The following RELN variants were observed in gnomAD, a reference collection of about 807,000 sequenced individuals.
RELN encodes reelin.
In RELN, 108 loss-of-function variants were observed where a neutral mutation model predicts 427.6. The ratio of observed to expected loss-of-function variants is 0.25; its 90% CI spans 0.22 to 0.30. The LOEUF is 0.30. Ranked by LOEUF, RELN falls within the 10% of genes least tolerant of loss-of-function variation. RELN has a pLI of 1.00. For missense variants in RELN, 3,715 were observed against 4,302.8 expected, an observed-to-expected ratio of 0.86 and a Z score of 3.82; for synonymous variants, 1,524 against 1,513.4, an observed-to-expected ratio of 1.01 and a Z score of -0.16.
intron 4 of RELN, among the ~76,000 whole-genome samples, chr7:103,774,931 C>T (rs763095017): frequency 5.9e-5 from 9 of 152,122 alleles, no homozygotes; most frequent in Non-Finnish European, 1.2e-4. Context: ...TGTAATACTA[C>T]TATAGAAGGC....
intron 24 of RELN, among the ~76,000 whole-genome samples, chr7:103,596,981 A>G (rs1222048510): frequency 2.6e-5 from 4 of 152,182 alleles, no homozygotes; most frequent in African/African-American, 9.7e-5. Flanking sequence ...CTTACTTTGC[A>G]TATTTCCTCT....
chr7:103,770,863 T>C (rs1253976470), intron 4 of RELN, among the ~76,000 whole-genome samples: 1 of 151,564 alleles, frequency 6.6e-6, no homozygotes, highest in Non-Finnish European at 1.5e-5. Context: ...TCAGGTGGTC[T>C]CGCCTCACCT....
chr7:103,654,161 G>A lies in RELN; in HGVS notation c.1486C>T (p.Leu496=). 1 of 1,611,522 alleles carries A rather than the reference G, an allele frequency of 6.2e-7. No individual in the cohort carries two copies. Among genetic ancestry groups the A allele is most frequent in the Non-Finnish European group, 8.5e-7 (1 of 1,178,234 alleles). Residue 496 remains leucine (L), a synonymous_variant, in exon 13 of 65, where the codon CTG becomes TTG. Coordinates refer to ENST00000428762, the MANE Select transcript of RELN (RefSeq NM_005045.4). ...PGNSHENDII[L]YAKIEGRKEH... is the part of the protein sequence containing the mutation. Reference sequence around the variant, plus strand: ...TTTCTTCCTTCAATTTTTGCATACAGGATTATGTCATTTTCATGAGAATTT... The same window carrying A: ...TTTCTTCCTTCAATTTTTGCATACAAGATTATGTCATTTTCATGAGAATTT...
At chr7:103,531,771 A>AAAAAC (rs1554372316) in intron 46 of RELN, among the ~76,000 whole-genome samples, 8 of 152,256 alleles carry the variant, frequency 5.3e-5, no homozygotes, top group Middle Eastern at 3.4e-3. Flanking sequence ...CAAAAGTAAA[A>AAAAAC]AAAACAAAAC....
At chr7:103,706,849 T>C (rs1173001302) in intron 8 of RELN, among the ~76,000 whole-genome samples, 5 of 152,172 alleles carry the variant, frequency 3.3e-5, no homozygotes, top group African/African-American at 9.6e-5. Context: ...TGGGAGAAGA[T>C]CACAGAACAA....
intron 4 of RELN, among the ~76,000 whole-genome samples, chr7:103,773,763 C>T (rs756909706): frequency 4.6e-5 from 7 of 151,986 alleles, no homozygotes; most frequent in Admixed American, 1.3e-4. Flanking sequence ...ACCCACTGCG[C>T]GCGGCCTCCT....
intron 31 of RELN, among the ~76,000 whole-genome samples, chr7:103,571,260 A>G (rs1369050298): frequency 6.6e-6 from 1 of 152,202 alleles, no homozygotes; most frequent in Admixed American, 6.5e-5. Flanking sequence ...TGCTGAGACC[A>G]CGGTTTGGAG....
chr7:103,785,768 C>T (rs1791998889), intron 3 of RELN, among the ~76,000 whole-genome samples: 1 of 151,952 alleles, frequency 6.6e-6, no homozygotes, highest in African/African-American at 2.4e-5. Context: ...CAAATGTGAT[C>T]AACTCTGTGA....
At chr7:103,784,752 A>G (rs970776728) in intron 3 of RELN, among the ~76,000 whole-genome samples, 5 of 152,288 alleles carry the variant, frequency 3.3e-5, no homozygotes, top group African/African-American at 1.2e-4. Context: ...CTGTTGGCAT[A>G]TGATATAAAC....
intron 38 of RELN, among the ~76,000 whole-genome samples, chr7:103,555,530 T>C (rs1483955506): frequency 6.6e-6 from 1 of 152,194 alleles, no homozygotes; most frequent in Non-Finnish European, 1.5e-5. Context: ...TGGAGTGCAG[T>C]GTCATGATCT....
chr7:103,807,331 G>A (rs542284119), intron 3 of RELN, among the ~76,000 whole-genome samples: 3 of 152,302 alleles, frequency 2.0e-5, no homozygotes, highest in Admixed American at 6.5e-5. Context: ...TAAGCCAGCA[G>A]TAGGGTAAGT....
In RELN at chr7:103,667,757, T is replaced by C. The variant is rs1011052854; in HGVS notation, c.1290-6230A>G. 2.0e-5 allele frequency among the ~76,000 whole-genome samples: 3 copies of C among 152,216 alleles called. No individual in the cohort carries two copies. In the East Asian group the frequency reaches 5.8e-4, roughly 29 times the overall value. The stretch of plus-strand genomic sequence containing the variant: ...TTAATCATTCTAGTTTTTGAAAACA[T>C]GTATATTTATTCCTTGCACAAAGTT... On this transcript the variant is annotated intron_variant, in intron 11 of 64. Transcript: ENST00000428762.
intron 11 of RELN, among the ~76,000 whole-genome samples, chr7:103,662,645 A>AAAAAGGGGGG (rs1562945671): frequency 6.7e-6 from 1 of 150,186 alleles, no homozygotes. Context: ...AAAAAAAAAA[A>AAAAAGGGGGG]GAAACGGGTG....
intron 28 of RELN, 57 bp from the exon 29 acceptor site, chr7:103,575,762 G>A: frequency 6.3e-7 from 1 of 1,593,632 alleles, no homozygotes; most frequent in South Asian, 1.1e-5. Context: ...TCAAAGCATT[G>A]GAATATAGAA....
At chr7:103,562,890 T>C (rs1340025084) in intron 34 of RELN, among the ~76,000 whole-genome samples, 1 of 152,250 alleles carries the variant, frequency 6.6e-6, no homozygotes, top group African/African-American at 2.4e-5. Context: ...TCCTCTTTCC[T>C]GGCTCCAGAC....
At chr7:103,615,980 A>G (rs1465918610) in intron 20 of RELN, among the ~76,000 whole-genome samples, 1 of 152,198 alleles carries the variant, frequency 6.6e-6, no homozygotes, top group African/African-American at 2.4e-5. Context: ...AAGTGGTAGA[A>G]TACTTGAGCC....
chr7:103,989,147 C>A lies in RELN; in HGVS notation c.210G>T (p.Pro70=), dbSNP rs770473518. 4 of 1,613,956 alleles carry A rather than the reference C, an allele frequency of 2.5e-6. No individual in the cohort carries two copies. In the African/African-American group the frequency reaches 4.0e-5, roughly 16 times the overall value. The stretch of plus-strand genomic sequence containing the variant: ...GGTACCTACCATGGTATTCTTGTCC[C>A]GGAACGTAGTAGGTGGGGTTGCCCG... The part of the protein sequence containing the change: ...HIAGNPTYYV[P]GQEYHVTIST... Residue 70 remains proline, a synonymous_variant, in exon 1 of 65, where the codon CCG becomes CCT. Transcript: ENST00000428762. The surrounding 1 kb of genome is among the most constrained non-coding windows in gnomAD (Gnocchi z 4.9).
At chr7:103,771,761 G>A (rs1026765985) in intron 4 of RELN, among the ~76,000 whole-genome samples, 1 of 109,578 alleles carries the variant, frequency 9.1e-6, no homozygotes, top group Non-Finnish European at 1.8e-5. Flanking sequence ...CCTTCTTTCT[G>A]GCCAAGATCT....
rs1031570654 is a variant in RELN, at chr7:103,640,512, A to G, written c.2069+31T>C. 6.2e-7 allele frequency: 1 copy of G among 1,604,864 alleles called. No homozygotes were observed. Among genetic ancestry groups the G allele is most frequent in the Non-Finnish European group, 8.5e-7 (1 of 1,171,848 alleles). On this transcript the variant is annotated intron_variant, in intron 17 of 64. Transcript: ENST00000428762. This position sits in a 1 kb window ranked among gnomAD's most constrained non-coding sequence, Gnocchi z 4.1. Reference sequence around the variant, plus strand: ...ACACATACATTACACATCAAAAAGGAGAAGCATAAGTGTTATTTTAAGATG... The same window carrying G: ...ACACATACATTACACATCAAAAAGGGGAAGCATAAGTGTTATTTTAAGATG...
Sources: gnomAD v4.1 joint callset for allele counts (sites outside exome capture counted in the v4.1 genomes callset) on GRCh38, gnomAD v4.1.1 for gene constraint, Gnocchi (gnomAD v3.1) non-coding constraint, MANE v1.5 for transcripts, NCBI Gene and HGNC (gene_info 2026-07-23, HGNC 2026-07-21) for gene names.